SHANK1: variants seen among roughly 807,000 people sequenced by gnomAD.
SHANK1 encodes the protein SH3 and multiple ankyrin repeat domains 1.
In SHANK1, 35 loss-of-function variants were observed where a neutral mutation model predicts 165.6. The observed-to-expected ratio is 0.21, with a 90% confidence interval of 0.16 to 0.28. The LOEUF (loss-of-function observed/expected upper bound fraction) is 0.28, where lower values mean the gene tolerates loss of function less well. Among genes scored for constraint, SHANK1 ranks in the 10% least tolerant of loss-of-function variants. The pLI is 1.00. For synonymous variants in SHANK1, 1,428 were observed against 1,384.8 expected (o/e 1.03, Z -0.69); for missense variants, 2,681 against 3,036.4 (o/e 0.88, Z 2.75).
At position 50,666,521 on chromosome 19, in the gene SHANK1, C is replaced by T; in HGVS notation, c.5439G>A (p.Gly1813=). Residue 1813 remains glycine (G), a synonymous_variant, in exon 23 of 24, where the codon GGG becomes GGA. Transcript: ENST00000293441. ...CSGPPTAGVA[G]GPVAVEPEVP... ...CTTCTGGCTCTACAGCCACCGGACC[C>T]CCCGCCACGCCTGCCGTGGGGGGTC... The T allele has an allele frequency of 6.3e-7, 1 of 1,585,824 alleles. No individual in the cohort carries two copies. The highest frequency in any genetic ancestry group is 8.6e-7 in the Non-Finnish European group (1 of 1,169,120).
intron 21 of SHANK1, among the ~76,000 whole-genome samples, chr19:50,681,168 T>C (rs61637515): frequency 0.18 from 27,186 of 149,706 alleles, 4,729 homozygotes; most frequent in African/African-American, 0.46. Context: ...TGCAGAAACC[T>C]CATGAAGGGG....
At position 50,716,320 on chromosome 19, in the gene SHANK1, C is replaced by A. The variant is rs2089069314; in HGVS notation, c.414G>T (p.Leu138=). 1 of 1,614,192 alleles carries A rather than the reference C, an allele frequency of 6.2e-7. No individual in the cohort carries two copies. The highest frequency in any genetic ancestry group is 8.5e-7 in the Non-Finnish European group (1 of 1,180,036). Residue 138 remains leucine (L), a synonymous_variant, in exon 3 of 24, where the codon CTG becomes CTT. Coordinates refer to ENST00000293441, the MANE Select transcript of SHANK1 (RefSeq NM_016148.5). The surrounding 1 kb of genome is among the most constrained non-coding windows in gnomAD (Gnocchi z 8.4). ...DANFLEEERL[L]REYPQSFEKG... ...TCTCAAAGGACTGGGGGTACTCCCGCAGCAGCCTCTCCTCCTCCAGGAAGT... is the reference window on the plus strand; with the variant it reads ...TCTCAAAGGACTGGGGGTACTCCCGAAGCAGCCTCTCCTCCTCCAGGAAGT...
At chr19:50,698,005 C>T (rs910779047) in intron 12 of SHANK1, 49 bp from the exon 13 acceptor site, 1 of 1,296,542 alleles carries the variant, frequency 7.7e-7, no homozygotes, top group Non-Finnish European at 1.1e-6. Flanking sequence ...TCTGTGCTGC[C>T]CCTCAACTGC....
Position 50,719,487 on chromosome 19 carries a change from C to G in SHANK1, c.-125G>C, listed in dbSNP as rs1476818386. 1 of 109,914 alleles carries G rather than the reference C, an allele frequency of 9.1e-6. No individual in the cohort carries two copies. The highest frequency in any genetic ancestry group is 1.9e-5 in the Non-Finnish European group (1 of 52,986). 6.8% of individuals were successfully genotyped at this position (109,914 alleles called of 1,614,324 possible). A position where few individuals can be genotyped will look rare whatever the true frequency, so the allele number is the denominator to read the frequency against. Reference sequence around the variant, plus strand: ...CCCCCACCCCCCACCCCCCCGGAGACGGGGACCCTCAGGCCATGCCCCACC... The same window carrying G: ...CCCCCACCCCCCACCCCCCCGGAGAGGGGGACCCTCAGGCCATGCCCCACC... On this transcript the variant is annotated 5_prime_UTR_variant, in exon 1 of 24. Coordinates refer to ENST00000293441, the MANE Select transcript of SHANK1 (RefSeq NM_016148.5).
Position 50,686,202 on chromosome 19 carries a change from C to T in SHANK1, c.2577+35G>A. On this transcript the variant is annotated intron_variant, in intron 21 of 23. Transcript: ENST00000293441. The surrounding 1 kb of genome is among the most constrained non-coding windows in gnomAD (Gnocchi z 5.7). ...CCAGGTTGGTGTGTGAACCGCCTCC[C>T]CCCTGGCAGTTCCTCCCCACACCAG... The T allele has an allele frequency of 7.7e-7, 1 of 1,294,462 alleles. No homozygotes were observed. The highest frequency in any genetic ancestry group is 1.1e-6 in the Non-Finnish European group (1 of 919,094). The allele number at this position is 1,294,462 out of a possible 1,614,324, so 80.2% of individuals were successfully genotyped here.
intron 16 of SHANK1, 114 bp downstream of exon 16, chr19:50,689,083 C>T: frequency 1.8e-6 from 2 of 1,124,830 alleles, no homozygotes; most frequent in Non-Finnish European, 2.7e-6. Context: ...GACCAGCACC[C>T]CGGGGTGGGG....
intron 23 of SHANK1, among the ~76,000 whole-genome samples, chr19:50,665,292 G>A (rs1311317662): frequency 2.0e-5 from 3 of 152,246 alleles, no homozygotes; most frequent in Non-Finnish European, 1.5e-5. Flanking sequence ...GGCCAGGCAT[G>A]CTGGCTCATG....
chr19:50,717,106 TG>T lies in SHANK1; in HGVS notation c.-43-145del. 1.7e-6 allele frequency: 1 copy of T among 596,510 alleles called. No individual in the cohort carries two copies. Among genetic ancestry groups the T allele is most frequent in the Non-Finnish European group, 2.6e-6 (1 of 391,594 alleles). The allele number at this position is 596,510 out of a possible 1,614,324, so 37.0% of individuals were successfully genotyped here. On this transcript the variant is annotated intron_variant, in intron 1 of 23. Transcript: ENST00000293441. The surrounding 1 kb of genome is among the most constrained non-coding windows in gnomAD (Gnocchi z 5.5). ...AAGGAGGCTGGACACACCCTCGGCC[TG>T]CACGGCCTCCCCTGCCGCCTCCTCC...
At position 50,661,728 on chromosome 19, in the gene SHANK1, C is replaced by T. The variant is rs138801354; in HGVS notation, c.*237G>A. ...TCTGTAATTTCTCCTATCCCCCCTC[C>T]GCTCCCCGCTTCACACACACACACA... On this transcript the variant is annotated 3_prime_UTR_variant, in exon 24 of 24. Coordinates refer to ENST00000293441, the MANE Select transcript of SHANK1 (RefSeq NM_016148.5). 45 of 482,038 alleles carry T rather than the reference C, an allele frequency of 9.3e-5. No individual in the cohort carries two copies. The highest frequency in any genetic ancestry group is 1.8e-4 in the East Asian group (6 of 32,466). 29.9% of individuals were successfully genotyped at this position (482,038 alleles called of 1,614,324 possible). A position where few individuals can be genotyped will look rare whatever the true frequency, so the allele number is the denominator to read the frequency against.
intron 23 of SHANK1, among the ~76,000 whole-genome samples, chr19:50,663,571 C>A (rs970440542): frequency 2.6e-5 from 4 of 152,118 alleles, no homozygotes; most frequent in Non-Finnish European, 4.4e-5. Flanking sequence ...CCCGCCCCCA[C>A]TCCTATGTCC....
chr19:50,697,486 C>G lies in SHANK1; in HGVS notation c.1937+103G>C. 1 of 981,012 alleles carries G rather than the reference C, an allele frequency of 1.0e-6. No homozygotes were observed. Among genetic ancestry groups the G allele is most frequent in the South Asian group, 1.3e-5 (1 of 76,528 alleles). 60.8% of individuals were successfully genotyped at this position (981,012 alleles called of 1,614,324 possible). ...CCCCTGGATCAAACTTGAGAAGGAA[C>G]AGATTAGAAAGGGGGCTTAGAGGTG... On this transcript the variant is annotated intron_variant, in intron 14 of 23. Coordinates refer to ENST00000293441, the MANE Select transcript of SHANK1 (RefSeq NM_016148.5). The surrounding 1 kb of genome is among the most constrained non-coding windows in gnomAD (Gnocchi z 4.7).
intron 21 of SHANK1, among the ~76,000 whole-genome samples, chr19:50,679,927 C>T (rs12463138): frequency 0.35 from 51,805 of 149,644 alleles, 10,873 homozygotes; most frequent in Admixed American, 0.5. Context: ...GAGACAAAGG[C>T]AGAGATAGGG....
intron 15 of SHANK1, among the ~76,000 whole-genome samples, chr19:50,692,506 A>AG (rs1002627241): frequency 7.1e-5 from 10 of 141,650 alleles, no homozygotes; most frequent in African/African-American, 2.8e-4. Context: ...TGAGGCAGGG[A>AG]GGGGGGTCCA....
rs140226345 is a variant in SHANK1, at chr19:50,704,509, G to C, written c.1083C>G (p.Thr361=). Residue 361 remains threonine (T), a synonymous_variant, in exon 9 of 24, where the codon ACC becomes ACG. Coordinates refer to ENST00000293441, the MANE Select transcript of SHANK1 (RefSeq NM_016148.5). ...CTCGATACAGGAGGATCCTGGCACAGGTCTCCTGCGGGTAATGGCCAGTGG... is the reference window on the plus strand; with the variant it reads ...CTCGATACAGGAGGATCCTGGCACACGTCTCCTGCGGGTAATGGCCAGTGG... ...LHICALYNKE[T]CARILLYRGA... The C allele has an allele frequency of 3.2e-4, 516 of 1,613,830 alleles. 1 individual carries two copies. Among genetic ancestry groups the C allele is most frequent in the Non-Finnish European group, 4.3e-4 (503 of 1,179,918 alleles).
At chr19:50,671,056 T>G (rs963210793) in intron 22 of SHANK1, among the ~76,000 whole-genome samples, 3 of 151,854 alleles carry the variant, frequency 2.0e-5, no homozygotes, top group African/African-American at 7.3e-5. Flanking sequence ...CCTCCCAAAG[T>G]GCTGGGATTA....
At position 50,707,752 on chromosome 19, in the gene SHANK1, C is replaced by T. The variant is rs1229282069; in HGVS notation, c.1078-3238G>A. Among the ~76,000 whole-genome samples, 7 of 152,076 alleles carry T rather than the reference C, an allele frequency of 4.6e-5. No homozygotes were observed. In the East Asian group the frequency reaches 9.7e-4, roughly 21 times the overall value. On this transcript the variant is annotated intron_variant, in intron 8 of 23. Transcript: ENST00000293441. ...CTGACTGCCAAAGTCACACATCGGG[C>T]AGCAGAGTTAGCCCAGTGTGTGTTC...
chr19:50,682,212 C>T (rs187867641), intron 21 of SHANK1, among the ~76,000 whole-genome samples: 22 of 152,132 alleles, frequency 1.4e-4, no homozygotes, highest in African/African-American at 4.8e-4. Context: ...CACACCACCA[C>T]GCCCAGCTAA....
At position 50,704,204 on chromosome 19, in the gene SHANK1, A is replaced by C; in HGVS notation, c.1156-18T>G. 3 of 1,613,392 alleles carry C rather than the reference A, an allele frequency of 1.9e-6. No individual in the cohort carries two copies. Among genetic ancestry groups the C allele is most frequent in the Non-Finnish European group, 2.5e-6 (3 of 1,179,708 alleles). On this transcript the variant is annotated intron_variant, in intron 9 of 23. Transcript: ENST00000293441. ...ACTGCCACCTGGAGGGAGGGGGTAGAGGCAGGTCGGCCAGGGGGGCCCAGG... is the reference window on the plus strand; with the variant it reads ...ACTGCCACCTGGAGGGAGGGGGTAGCGGCAGGTCGGCCAGGGGGGCCCAGG...
intron 10 of SHANK1, 74 bp downstream of exon 10, chr19:50,704,046 C>A: frequency 6.7e-7 from 1 of 1,487,538 alleles, no homozygotes. Flanking sequence ...GTCAGGTCCC[C>A]CAACTCCCCC....
Sources: allele counts gnomAD v4.1 joint callset (sites outside exome capture counted in the v4.1 genomes callset), GRCh38; gene constraint gnomAD v4.1.1; non-coding constraint Gnocchi (gnomAD v3.1); transcripts MANE v1.5; gene names NCBI Gene and HGNC (gene_info 2026-07-23, HGNC 2026-07-21).